GPC6: variants seen among roughly 807,000 people sequenced by gnomAD.
The protein encoded by GPC6 is glypican-6.
A neutral mutation model predicts 55.2 loss-of-function variants in GPC6; 14 were observed. That is an observed-to-expected ratio of 0.25 (90% CI 0.17 to 0.40). The LOEUF is 0.40. GPC6 is among the 10% of genes least tolerant of loss of function. GPC6 has a pLI of 1.00. For synonymous variants in GPC6, 278 were observed against 259.6 expected, an observed-to-expected ratio of 1.07 and a Z score of -0.68; for missense variants, 641 against 708.5, an observed-to-expected ratio of 0.90 and a Z score of 1.08.
intron 1 of GPC6, among the ~76,000 whole-genome samples, chr13:93,272,621 A>G (rs1296142222): frequency 6.6e-6 from 1 of 151,904 alleles, no homozygotes; most frequent in Non-Finnish European, 1.5e-5. Context: ...AGATTATTAA[A>G]TAATTCATGT....
intron 1 of GPC6, among the ~76,000 whole-genome samples, chr13:93,345,246 T>C (rs1449578511): frequency 6.6e-6 from 1 of 152,042 alleles, no homozygotes; most frequent in African/African-American, 2.4e-5. Flanking sequence ...CTGGGGCTTA[T>C]GATGATCACC....
intron 1 of GPC6, among the ~76,000 whole-genome samples, chr13:93,261,516 G>T (rs1877147397): frequency 6.6e-6 from 1 of 152,004 alleles, no homozygotes; most frequent in South Asian, 2.1e-4. Context: ...AACATTCGAA[G>T]GCATAAGAAG....
chr13:94,123,501 C>T (rs563243910), intron 4 of GPC6, among the ~76,000 whole-genome samples: 1 of 152,042 alleles, frequency 6.6e-6, no homozygotes, highest in Non-Finnish European at 1.5e-5. Context: ...ATAGTCATCT[C>T]TTGTTGCATA....
rs577796430 is a variant in GPC6 at position 93,357,594 on chromosome 13, T to C, written c.160+129978T>C. Among the ~76,000 whole-genome samples the C allele has an allele frequency of 2.1e-4, 32 of 151,666 alleles. No individual in the cohort carries two copies. The South Asian group carries it at 5.8e-3, about 28-fold the overall frequency. ...GGTATGGTGGCTCAAGCCTGTAATG[T>C]TTTGGAGGCTGAAGTGGGCAGATTG... On this transcript the variant is annotated intron_variant, in intron 1 of 8. Coordinates refer to ENST00000377047, the MANE Select transcript of GPC6 (RefSeq NM_005708.5).
intron 4 of GPC6, among the ~76,000 whole-genome samples, chr13:94,223,759 A>C (rs1890459398): frequency 6.6e-6 from 1 of 152,180 alleles, no homozygotes; most frequent in Non-Finnish European, 1.5e-5. Context: ...AAAGTAGCAC[A>C]GCAAGGATGC....
At chr13:93,820,680 T>C (rs1887014789) in intron 2 of GPC6, among the ~76,000 whole-genome samples, 1 of 151,996 alleles carries the variant, frequency 6.6e-6, no homozygotes, top group African/African-American at 2.4e-5. Context: ...GGTTTTTTTT[T>C]TTTATTCTTC....
chr13:93,605,842 T>TAAA (rs1193693750), intron 2 of GPC6, among the ~76,000 whole-genome samples: 37 of 65,824 alleles, frequency 5.6e-4, no homozygotes, highest in African/African-American at 1.1e-3. Flanking sequence ...ACCGTCTCAA[T>TAAA]AAAAAAAAAA....
At chr13:93,845,980 T>C (rs1888161154) in intron 3 of GPC6, among the ~76,000 whole-genome samples, 1 of 151,634 alleles carries the variant, frequency 6.6e-6, no homozygotes, top group African/African-American at 2.4e-5. Flanking sequence ...ACTTAAAGTA[T>C]AATAAAAAAT....
chr13:93,898,762 A>G (rs1428882427), intron 3 of GPC6, among the ~76,000 whole-genome samples: 2 of 151,974 alleles, frequency 1.3e-5, no homozygotes, highest in East Asian at 3.9e-4. Context: ...TATGTAAGAA[A>G]GAGTGGGATT....
At chr13:93,228,299 C>T (rs2138997083) in intron 1 of GPC6, among the ~76,000 whole-genome samples, 1 of 152,334 alleles carries the variant, frequency 6.6e-6, no homozygotes, top group East Asian at 1.9e-4. Context: ...TTCCTCAGTG[C>T]TTCCCCAGTT....
At chr13:94,138,899 C>T (rs1163628971) in intron 4 of GPC6, among the ~76,000 whole-genome samples, 1 of 152,016 alleles carries the variant, frequency 6.6e-6, no homozygotes, top group African/African-American at 2.4e-5. Context: ...TGAATTAAGT[C>T]TCCGTCTAGG....
intron 1 of GPC6, among the ~76,000 whole-genome samples, chr13:93,435,673 G>C (rs554189626): frequency 6.6e-6 from 1 of 152,236 alleles, no homozygotes; most frequent in Admixed American, 6.5e-5. Context: ...ATAAAATCTG[G>C]GGGCTTCTCA....
intron 4 of GPC6, among the ~76,000 whole-genome samples, chr13:94,102,485 T>C (rs552180462): frequency 4.6e-5 from 7 of 151,702 alleles, no homozygotes; most frequent in Non-Finnish European, 7.4e-5. Flanking sequence ...TTAACCAACA[T>C]GGGCCTGTTT....
At chr13:93,772,621 G>A (rs1885339343) in intron 2 of GPC6, among the ~76,000 whole-genome samples, 1 of 152,106 alleles carries the variant, frequency 6.6e-6, no homozygotes, top group Admixed American at 6.6e-5. Context: ...GGTTAGGAAA[G>A]TCCTATAATT....
intron 4 of GPC6, among the ~76,000 whole-genome samples, chr13:94,100,610 A>G (rs916448882): frequency 2.0e-5 from 3 of 152,172 alleles, no homozygotes; most frequent in Admixed American, 6.6e-5. Context: ...CCTTCAGGCT[A>G]GTACTTTCTA....
At chr13:93,272,894 T>C (rs1246511462) in intron 1 of GPC6, among the ~76,000 whole-genome samples, 2 of 152,216 alleles carry the variant, frequency 1.3e-5, no homozygotes, top group African/African-American at 4.8e-5. Context: ...GAATTATGCT[T>C]CTTTCTATTA....
At chr13:94,378,222 TATCTC>T (rs1192060587) in intron 6 of GPC6, among the ~76,000 whole-genome samples, 3 of 152,024 alleles carry the variant, frequency 2.0e-5, no homozygotes, top group African/African-American at 4.8e-5. Flanking sequence ...ATAATAATAA[TATCTC>T]ATCACTGGAT....
intron 3 of GPC6, among the ~76,000 whole-genome samples, chr13:93,844,229 C>A (rs564694843): frequency 6.6e-6 from 1 of 152,248 alleles, no homozygotes; most frequent in East Asian, 1.9e-4. Context: ...AACTTCACTT[C>A]CTGCGTTCAA....
chr13:93,276,760 G>A (rs1490875423), intron 1 of GPC6, among the ~76,000 whole-genome samples: 1 of 152,124 alleles, frequency 6.6e-6, no homozygotes, highest in Non-Finnish European at 1.5e-5. Context: ...TGTGGGGCCT[G>A]AGGCCTGGTG....
Sources: gnomAD v4.1 joint callset for allele counts (sites outside exome capture counted in the v4.1 genomes callset) on GRCh38, gnomAD v4.1.1 for gene constraint, MANE v1.5 for transcripts, NCBI Gene and HGNC (gene_info 2026-07-23, HGNC 2026-07-21) for gene names.